HTR2C: variants seen among roughly 807,000 people sequenced by gnomAD.
The protein encoded by HTR2C is 5-hydroxytryptamine (serotonin) receptor 2C, G protein-coupled.
In HTR2C, 5 loss-of-function variants were observed where a neutral mutation model predicts 21.0. That is an observed-to-expected ratio of 0.24 (90% confidence interval 0.12 to 0.50). The LOEUF (loss-of-function observed/expected upper bound fraction) is 0.50, where lower values mean the gene tolerates loss of function less well. HTR2C is among the 20% of genes least tolerant of loss of function. The pLI, the probability that HTR2C is intolerant of heterozygous loss-of-function variation, is 0.98. For missense variants in HTR2C, 271 were observed against 371.2 expected (o/e 0.73, Z 2.22); for synonymous variants, 150 against 145.3 (o/e 1.03, Z -0.23).
chrX:114,893,211 G>C (rs781857481), intron 5 of HTR2C, among the ~76,000 whole-genome samples: 1 of 110,737 alleles, frequency 9.0e-6, no homozygotes, highest in Non-Finnish European at 1.9e-5. Flanking sequence ...ACTGTGCCCA[G>C]CCTGATTTTA....
At chrX:114,614,990 G>A (rs1049137731) in intron 2 of HTR2C, among the ~76,000 whole-genome samples, 3 of 111,686 alleles carry the variant, frequency 2.7e-5, no homozygotes, top group Non-Finnish European at 5.6e-5. Flanking sequence ...GAACTGATAC[G>A]ATGGTATAGA....
chrX:114,683,243 A>C (rs781966450), intron 2 of HTR2C, among the ~76,000 whole-genome samples: 12 of 112,217 alleles, frequency 1.1e-4, no homozygotes, highest in Non-Finnish European at 2.3e-4. Flanking sequence ...TAAATGATGA[A>C]TATAATAGAT....
chrX:114,809,152 C>T (rs1022915571), intron 4 of HTR2C, among the ~76,000 whole-genome samples: 3 of 111,144 alleles, frequency 2.7e-5, no homozygotes, highest in African/African-American at 9.8e-5. Flanking sequence ...GAGTCGGTTA[C>T]CTTAGGAATC....
At chrX:114,784,164 C>T (rs1556441307) in intron 4 of HTR2C, among the ~76,000 whole-genome samples, 1 of 101,951 alleles carries the variant, frequency 9.8e-6, no homozygotes, top group Non-Finnish European at 2.0e-5. Flanking sequence ...ACAGACAAAC[C>T]ACTGACTAGA....
chrX:114,601,878 T>G (rs1928115412), intron 1 of HTR2C, among the ~76,000 whole-genome samples: 1 of 92,817 alleles, frequency 1.1e-5, no homozygotes, highest in Non-Finnish European at 2.1e-5. Context: ...GAACCTAGAG[T>G]GGGAGGGATT....
At chrX:114,732,866 T>C (rs7886050) in intron 4 of HTR2C, among the ~76,000 whole-genome samples, 4,086 of 111,794 alleles carry the variant, frequency 0.037, 195 homozygotes, top group African/African-American at 0.12. Flanking sequence ...TCTCTTAACA[T>C]ATCTATTCCC....
intron 4 of HTR2C, chrX:114,823,423 C>A (rs1484087385): frequency 5.9e-6 from 2 of 340,512 alleles, no homozygotes; most frequent in African/African-American, 5.3e-5. Flanking sequence ...GAAACTGGAA[C>A]TTCATGGTGC....
intron 1 of HTR2C, among the ~76,000 whole-genome samples, chrX:114,591,917 TTC>T (rs1927650614): frequency 8.9e-6 from 1 of 111,934 alleles, no homozygotes; most frequent in Admixed American, 9.5e-5. Flanking sequence ...CAACATTGAT[TTC>T]TCTCTTTCCT....
intron 2 of HTR2C, among the ~76,000 whole-genome samples, chrX:114,685,579 G>A (rs2147857187): frequency 8.9e-6 from 1 of 111,754 alleles, no homozygotes; most frequent in South Asian, 3.7e-4. Flanking sequence ...CCTGAAATTA[G>A]ACAGTAACCC....
chrX:114,898,774 C>T (rs2071315488), intron 5 of HTR2C, among the ~76,000 whole-genome samples: 2 of 111,734 alleles, frequency 1.8e-5, no homozygotes, highest in South Asian at 7.4e-4. Flanking sequence ...TGTACCAGTA[C>T]CATGCTGTTT....
intron 5 of HTR2C, among the ~76,000 whole-genome samples, chrX:114,848,892 T>G (rs1242101873): frequency 8.9e-6 from 1 of 111,787 alleles, no homozygotes; most frequent in Non-Finnish European, 1.9e-5. Context: ...CCAAGAAATT[T>G]AAACAATTGG....
intron 5 of HTR2C, 113 bp downstream of exon 5, chrX:114,848,316 T>C (rs1287723163): frequency 4.4e-6 from 2 of 455,923 alleles, no homozygotes; most frequent in Admixed American, 8.9e-5. Flanking sequence ...TTTGATCGGG[T>C]TCTTTTATTT....
At chrX:114,703,845 A>G (rs1385735861) in intron 2 of HTR2C, among the ~76,000 whole-genome samples, 1 of 110,619 alleles carries the variant, frequency 9.0e-6, no homozygotes, top group Non-Finnish European at 1.9e-5. Flanking sequence ...GAGAAGAATC[A>G]AATAGACGCA....
rs1213150069 is a variant in HTR2C at position 114,701,857 on chromosome X, G to C, written c.-79-25001G>C. ...TAACTAGAATAACCAATACAGAGAA[G>C]TCCTTAAAGGAGCTGATGGAGCTGA... On this transcript the variant is annotated intron_variant, in intron 2 of 5. Coordinates refer to ENST00000276198, the MANE Select transcript of HTR2C (RefSeq NM_000868.4). 2.1e-4 allele frequency among the ~76,000 whole-genome samples: 24 copies of C among 111,943 alleles called. No homozygotes were observed. In the Admixed American group the frequency reaches 2.2e-3, roughly 10 times the overall value.
chrX:114,603,748 T>G, intron 1 of HTR2C, among the ~76,000 whole-genome samples: 1 of 28,406 alleles, frequency 3.5e-5, no homozygotes, highest in East Asian at 6.3e-3. Flanking sequence ...GAGGCTGGGA[T>G]GAAGGGTGCA....
intron 1 of HTR2C, among the ~76,000 whole-genome samples, chrX:114,613,317 C>T (rs1415327698): frequency 9.0e-6 from 1 of 111,713 alleles, no homozygotes; most frequent in African/African-American, 3.3e-5. Flanking sequence ...CCTTTTTAGA[C>T]CATGTAAGGT....
chrX:114,649,621 GTTT>G (rs1264935703), intron 2 of HTR2C, among the ~76,000 whole-genome samples: 1 of 110,996 alleles, frequency 9.0e-6, no homozygotes, highest in East Asian at 2.8e-4. Flanking sequence ...TTGTTTGTTT[GTTT>G]TTTAATTTTT....
rs1272922644 is a variant in HTR2C, at chrX:114,634,276, A to AT, written c.-80+20402dup. 4.5e-5 allele frequency among the ~76,000 whole-genome samples: 5 copies of AT among 110,344 alleles called. No homozygotes were observed. In the Admixed American group the frequency reaches 4.9e-4, roughly 11 times the overall value. On this transcript the variant is annotated intron_variant, in intron 2 of 5. Transcript: ENST00000276198. ...CAGGAAGGAATTAGAAACAAGGCTA[A>AT]TTTTTTTACTCTCCACCATATTTTC...
At position 114,726,989 on chromosome X, in the gene HTR2C, T is replaced by C. The variant is rs187881114; in HGVS notation, c.35+18T>C. On this transcript the variant is annotated intron_variant, in intron 3 of 5. Transcript: ENST00000276198. ...TCATTCCTGTAAGGATGTTACTACTTATTATTTTAGTAAAAAGATAACTTT... is the reference window on the plus strand; with the variant it reads ...TCATTCCTGTAAGGATGTTACTACTCATTATTTTAGTAAAAAGATAACTTT... 8.2e-5 allele frequency: 83 copies of C among 1,013,027 alleles called. No homozygotes were observed. The East Asian group carries it at 2.7e-3, about 33-fold the overall frequency. The allele number at this position is 1,013,027 out of a possible 1,213,427, so 83.5% of individuals were successfully genotyped here.
Sources: allele counts gnomAD v4.1 joint callset (sites outside exome capture counted in the v4.1 genomes callset), GRCh38; gene constraint gnomAD v4.1.1; transcripts MANE v1.5; gene names NCBI Gene and HGNC (gene_info 2026-07-23, HGNC 2026-07-21).